Variants in LOXHD1 observed in about 807,000 individuals in gnomAD.
The protein encoded by LOXHD1 is lipoxygenase homology domain-containing protein 1.
LOXHD1 carries 205 observed loss-of-function variants against 248.2 expected under a neutral mutation model. The ratio of observed to expected loss-of-function variants is 0.83; its 90% CI spans 0.74 to 0.93. LOXHD1 has a LOEUF of 0.93. LOXHD1 is among the 40% of genes least tolerant of loss of function. LOXHD1 has a pLI of 0.00. For missense variants in LOXHD1, 2,930 were observed against 2,971.6 expected (o/e 0.99, Z 0.33); for synonymous variants, 1,113 against 1,162.8 (o/e 0.96, Z 0.87).
At chr18:46,656,841 A>AACAG (rs1461674802) in intron 1 of LOXHD1, 63 bp downstream of exon 1, 23 of 1,527,086 alleles carry the variant, frequency 1.5e-5, no homozygotes, top group Admixed American at 2.0e-5. Context: ...CATAGACAGG[A>AACAG]ACAGACCCCT....
chr18:46,590,907 CATAAA>C (rs2038155447), intron 12 of LOXHD1, among the ~76,000 whole-genome samples: 2 of 151,900 alleles, frequency 1.3e-5, no homozygotes, highest in Non-Finnish European at 2.9e-5. Flanking sequence ...GAAGAAGAAC[CATAAA>C]ATAAAAGAAA....
At chr18:46,654,987 G>T (rs536614935) in intron 1 of LOXHD1, among the ~76,000 whole-genome samples, 2 of 152,258 alleles carry the variant, frequency 1.3e-5, no homozygotes, top group East Asian at 3.9e-4. Context: ...GTGATCTTGG[G>T]CAAGTTACTT....
At chr18:46,483,802 C>T (rs1038028659) in intron 39 of LOXHD1, 57 bp from the exon 40 acceptor site, 56 of 1,522,632 alleles carry the variant, frequency 3.7e-5, no homozygotes, top group Non-Finnish European at 4.6e-5. Flanking sequence ...AGCAGGTAAG[C>T]ATTTGTCGGG....
chr18:46,564,117 T>C (rs117635196), intron 17 of LOXHD1, among the ~76,000 whole-genome samples: 13,814 of 150,892 alleles, frequency 0.092, 884 homozygotes, highest in Non-Finnish European at 0.14. Flanking sequence ...TGTGTGTGTG[T>C]GCACGCACAC....
chr18:46,649,424 C>A (rs1214641652), intron 1 of LOXHD1, among the ~76,000 whole-genome samples, 155 bp from the exon 2 acceptor site: 9 of 152,174 alleles, frequency 5.9e-5, no homozygotes. Flanking sequence ...ATGGTGAGAC[C>A]CACGATATGT....
intron 34 of LOXHD1, among the ~76,000 whole-genome samples, chr18:46,510,861 T>C (rs936996540): frequency 2.0e-5 from 3 of 152,158 alleles, no homozygotes; most frequent in Non-Finnish European, 2.9e-5. Flanking sequence ...CTCCTCTAAT[T>C]GAAGCCCCAT....
At chr18:46,541,421 T>C (rs1296995571) in intron 25 of LOXHD1, among the ~76,000 whole-genome samples, 1 of 152,228 alleles carries the variant, frequency 6.6e-6, no homozygotes. Flanking sequence ...GGGTTGATAA[T>C]GATTCCTCAG....
chr18:46,565,327 C>T (rs76537770), intron 17 of LOXHD1, among the ~76,000 whole-genome samples: 14,391 of 152,162 alleles, frequency 0.095, 794 homozygotes, highest in Middle Eastern at 0.14. Context: ...CTGTCTTCCT[C>T]CTCAGAAATG....
At chr18:46,590,071 T>C (rs2038137168) in intron 12 of LOXHD1, among the ~76,000 whole-genome samples, 1 of 152,138 alleles carries the variant, frequency 6.6e-6, no homozygotes, top group Admixed American at 6.5e-5. Context: ...CAACACAATT[T>C]TGGAAGCTGG....
intron 4 of LOXHD1, among the ~76,000 whole-genome samples, chr18:46,630,419 C>T (rs2038805002): frequency 6.6e-6 from 1 of 152,222 alleles, no homozygotes; most frequent in South Asian, 2.1e-4. Flanking sequence ...CAGGAAATGA[C>T]ATCATATTGG....
chr18:46,650,806 C>A (rs1568235367), intron 1 of LOXHD1, among the ~76,000 whole-genome samples: 1 of 152,140 alleles, frequency 6.6e-6, no homozygotes, highest in Non-Finnish European at 1.5e-5. Context: ...ATGCCCAGAG[C>A]CAGTGTGGGC....
chr18:46,575,241 T>C (rs1046210102), intron 14 of LOXHD1, among the ~76,000 whole-genome samples: 2 of 151,976 alleles, frequency 1.3e-5, no homozygotes, highest in African/African-American at 4.8e-5. Context: ...GTTCTGGCCC[T>C]TTCTCTGTCT....
intron 37 of LOXHD1, among the ~76,000 whole-genome samples, chr18:46,496,859 C>T (rs887286905): frequency 6.6e-6 from 1 of 152,042 alleles, no homozygotes; most frequent in Admixed American, 6.6e-5. Context: ...AAAAATTAGC[C>T]GGGTGTGGTG....
At position 46,618,299 on chromosome 18, in the gene LOXHD1, A is replaced by G. The variant is rs1389901915; in HGVS notation, c.512-9T>C. The stretch of plus-strand genomic sequence containing the variant: ...GACTTCATACTTATTACCTAGGAAC[A>G]AGGAGAGAGAAAAACCTTAGCTCAT... On this transcript the variant is annotated splice_polypyrimidine_tract_variant and intron_variant, in intron 4 of 40. Coordinates refer to ENST00000642948, the MANE Select transcript of LOXHD1 (RefSeq NM_001384474.1). The G allele has an allele frequency of 6.5e-7, 1 of 1,539,352 alleles. No individual in the cohort carries two copies. Among genetic ancestry groups the G allele is most frequent in the Non-Finnish European group, 8.8e-7 (1 of 1,136,352 alleles).
chr18:46,521,963 T>A, intron 32 of LOXHD1, 138 bp downstream of exon 32: 1 of 687,744 alleles, frequency 1.5e-6, no homozygotes, highest in Non-Finnish European at 2.4e-6. Context: ...GCTAGTTGGT[T>A]CTTCTCTGCT....
chr18:46,528,036 G>A (rs1339955047), intron 29 of LOXHD1, among the ~76,000 whole-genome samples: 1 of 152,156 alleles, frequency 6.6e-6, no homozygotes, highest in African/African-American at 2.4e-5. Flanking sequence ...CCACTTAGAT[G>A]ACACCCACCT....
At chr18:46,557,895 T>C in intron 20 of LOXHD1, 1 of 1,107,582 alleles carries the variant, frequency 9.0e-7, no homozygotes, top group Non-Finnish European at 1.1e-6. Context: ...ATATTTGTAT[T>C]AAGTACCTGC....
chr18:46,525,517 C>T (rs1417047727), intron 29 of LOXHD1, among the ~76,000 whole-genome samples: 2 of 151,848 alleles, frequency 1.3e-5, no homozygotes, highest in African/African-American at 4.8e-5. Context: ...GATGCAGGCT[C>T]AAGGGGGTTT....
intron 12 of LOXHD1, among the ~76,000 whole-genome samples, chr18:46,581,408 G>A (rs780974468): frequency 2.6e-5 from 4 of 152,164 alleles, no homozygotes; most frequent in Non-Finnish European, 5.9e-5. Flanking sequence ...AGGAGTAGGG[G>A]AGTCTTGGGG....
Sources: allele counts gnomAD v4.1 joint callset (sites outside exome capture counted in the v4.1 genomes callset), GRCh38; gene constraint gnomAD v4.1.1; transcripts MANE v1.5; gene names NCBI Gene and HGNC (gene_info 2026-07-23, HGNC 2026-07-21).